GEMIN2: variants seen among roughly 807,000 people sequenced by gnomAD.
GEMIN2 encodes gem-associated protein 2.
In GEMIN2, 37 loss-of-function variants were observed where a neutral mutation model predicts 45.8. That is an observed-to-expected ratio of 0.81 (90% CI 0.62 to 1.06). The LOEUF is 1.06. GEMIN2 is among the 50% of genes least tolerant of loss of function. The pLI is 0.00. For missense variants in GEMIN2, 335 were observed against 321.8 expected (o/e 1.04, Z -0.31); for synonymous variants, 101 against 111.5 (o/e 0.91, Z 0.60).
At position 39,131,946 on chromosome 14, in the gene GEMIN2, ATT is replaced by A. The variant is rs200271279; in HGVS notation, c.601-4_601-3del. ...ATTTGTCTAAATATTAATTTTTTGA[ATT>A]TTTTTTTAGGGAAGATGGCTTTATG... On this transcript the variant is annotated splice_polypyrimidine_tract_variant and intron_variant, in intron 7 of 9. Transcript: ENST00000308317. The A allele has an allele frequency of 2.2e-6, 3 of 1,388,482 alleles. No homozygotes were observed. The highest frequency in any genetic ancestry group is 3.0e-6 in the Non-Finnish European group (3 of 986,860). The allele number at this position is 1,388,482 out of a possible 1,614,324, so 86.0% of individuals were successfully genotyped here. A position where few individuals can be genotyped will look rare whatever the true frequency, so the allele number is the denominator to read the frequency against.
At position 39,129,933 on chromosome 14, in the gene GEMIN2, TG is replaced by T. The variant is rs1225684334; in HGVS notation, c.600+1586del. Among the ~76,000 whole-genome samples the T allele has an allele frequency of 2.7e-3, 364 of 134,440 alleles. 1 individual carries two copies. Among genetic ancestry groups the T allele is most frequent in the Non-Finnish European group, 4.4e-3 (282 of 63,524 alleles). 88.2% of individuals were successfully genotyped at this position (134,440 alleles called of 152,430 possible). ...CTCCTTATCTCATTGCAGACAAGTTTGTTTTTTTTTTTTTTTTTTTTTTTTG... is the reference window on the plus strand; with the variant it reads ...CTCCTTATCTCATTGCAGACAAGTTTTTTTTTTTTTTTTTTTTTTTTTTTG... On this transcript the variant is annotated intron_variant, in intron 7 of 9. Transcript: ENST00000308317.
chr14:39,133,191 G>GA (rs59803773), intron 8 of GEMIN2, among the ~76,000 whole-genome samples: 6 of 143,052 alleles, frequency 4.2e-5, no homozygotes, highest in Non-Finnish European at 9.1e-5. Context: ...ATTATATAGA[G>GA]GAACAATAAG....
At chr14:39,129,650 T>G (rs1327665334) in intron 7 of GEMIN2, among the ~76,000 whole-genome samples, 1 of 152,034 alleles carries the variant, frequency 6.6e-6, no homozygotes, top group Non-Finnish European at 1.5e-5. Context: ...TGACCTCAGG[T>G]GATCTGCCCG....
At chr14:39,130,427 A>G (rs1039667490) in intron 7 of GEMIN2, among the ~76,000 whole-genome samples, 7 of 152,162 alleles carry the variant, frequency 4.6e-5, no homozygotes, top group South Asian at 4.1e-4. Flanking sequence ...CCTTTCCAGG[A>G]TACAATCTGG....
chr14:39,128,485 CTTTTTTTTT>C (rs71130820), intron 7 of GEMIN2, 137 bp downstream of exon 7: 30 of 148,482 alleles, frequency 2.0e-4, no homozygotes, highest in Admixed American at 3.3e-4. Context: ...TTTTTCTTTT[CTTTTTTTTT>C]TTTTTTTTTT....
At chr14:39,124,049 T>G (rs1594513780) in intron 5 of GEMIN2, among the ~76,000 whole-genome samples, 1 of 152,180 alleles carries the variant, frequency 6.6e-6, no homozygotes, top group South Asian at 2.1e-4. Context: ...CCAAAAATGG[T>G]TTTTAATTTA....
chr14:39,132,490 C>CA (rs1177366617), intron 8 of GEMIN2, among the ~76,000 whole-genome samples: 2 of 151,916 alleles, frequency 1.3e-5, no homozygotes, highest in African/African-American at 4.8e-5. Flanking sequence ...GAGATTGCAC[C>CA]ACTGCACTCC....
chr14:39,127,622 G>C (rs1175712531), intron 6 of GEMIN2, among the ~76,000 whole-genome samples: 1 of 151,998 alleles, frequency 6.6e-6, no homozygotes, highest in African/African-American at 2.4e-5. Flanking sequence ...TTACTGGCAA[G>C]AGCCACTGAG....
chr14:39,136,309 G>T, intron 9 of GEMIN2, 131 bp from the exon 10 acceptor site: 5 of 611,496 alleles, frequency 8.2e-6, no homozygotes, highest in East Asian at 2.8e-5. Flanking sequence ...TTTCCACTAT[G>T]TAGACATACT....
At chr14:39,114,564 T>G (rs1053756909) in intron 1 of GEMIN2, 89 bp downstream of exon 1, 4 of 994,258 alleles carry the variant, frequency 4.0e-6, no homozygotes, top group Non-Finnish European at 6.0e-6. Flanking sequence ...TCCAGTCTGT[T>G]GCGAGTTCAG....
chr14:39,131,673 C>G (rs2052717743), intron 7 of GEMIN2: 1 of 296,334 alleles, frequency 3.4e-6, no homozygotes, highest in African/African-American at 2.2e-5. Flanking sequence ...ATGTAGTGTT[C>G]TGCTTACAAA....
chr14:39,133,318 AATAT>A (rs770940256), intron 8 of GEMIN2, among the ~76,000 whole-genome samples: 3 of 144,918 alleles, frequency 2.1e-5, no homozygotes, highest in South Asian at 2.1e-4. Context: ...AATATATATG[AATAT>A]ATATATATAT....
Position 39,114,816 on chromosome 14 carries a change from T to G in GEMIN2, c.138-13T>G. ...CAGAAATTTAATTTATCGCGTTTAT[T>G]ACTTATTTGTAGGATCGAAGCAGCT... On this transcript the variant is annotated splice_polypyrimidine_tract_variant and intron_variant, in intron 1 of 9. Coordinates refer to ENST00000308317, the MANE Select transcript of GEMIN2 (RefSeq NM_003616.3). 1 of 1,406,956 alleles carries G rather than the reference T, an allele frequency of 7.1e-7. No individual in the cohort carries two copies. Among genetic ancestry groups the G allele is most frequent in the Non-Finnish European group, 1.0e-6 (1 of 991,704 alleles). The allele number at this position is 1,406,956 out of a possible 1,614,324, so 87.2% of individuals were successfully genotyped here.
At chr14:39,129,714 GTATTTA>G (rs141019954) in intron 7 of GEMIN2, among the ~76,000 whole-genome samples, 5,381 of 151,732 alleles carry the variant, frequency 0.035, 318 homozygotes, top group African/African-American at 0.12. Flanking sequence ...CACCCAGCCA[GTATTTA>G]TATTTATATT....
At chr14:39,130,480 T>A (rs1158092444) in intron 7 of GEMIN2, among the ~76,000 whole-genome samples, 11 of 152,180 alleles carry the variant, frequency 7.2e-5, no homozygotes, top group Non-Finnish European at 1.6e-4. Flanking sequence ...ATACCCTTTG[T>A]CACCATTTTA....
intron 4 of GEMIN2, among the ~76,000 whole-genome samples, chr14:39,121,488 C>G (rs531018194): frequency 2.0e-5 from 3 of 152,156 alleles, no homozygotes; most frequent in Middle Eastern, 3.2e-3. Context: ...ACTGTAATCA[C>G]ACCTCTGCAC....
At chr14:39,115,530 C>G (rs2052492841) in intron 2 of GEMIN2, among the ~76,000 whole-genome samples, 2 of 149,540 alleles carry the variant, frequency 1.3e-5, no homozygotes, top group Non-Finnish European at 2.9e-5. Flanking sequence ...GATCTCAGCT[C>G]ACTGCAACCT....
chr14:39,128,371 T>A, intron 7 of GEMIN2, 23 bp downstream of exon 7: 1 of 1,390,250 alleles, frequency 7.2e-7, no homozygotes, highest in Non-Finnish European at 1.0e-6. Flanking sequence ...GTTTTTCTTT[T>A]CATAATGTAG....
intron 4 of GEMIN2, among the ~76,000 whole-genome samples, chr14:39,120,414 CTG>C (rs902009193): frequency 6.6e-6 from 1 of 152,166 alleles, no homozygotes; most frequent in Non-Finnish European, 1.5e-5. Flanking sequence ...GTGATGGCAA[CTG>C]TGTGAAAACA....
Sources: gnomAD v4.1 joint callset for allele counts (sites outside exome capture counted in the v4.1 genomes callset) on GRCh38, gnomAD v4.1.1 for gene constraint, MANE v1.5 for transcripts, NCBI Gene and HGNC (gene_info 2026-07-23, HGNC 2026-07-21) for gene names.